SBF2: variants seen among roughly 807,000 people sequenced by gnomAD.
SBF2 encodes the protein myotubularin-related protein 13.
SBF2 carries 112 observed loss-of-function variants against 225.2 expected under a neutral mutation model. The observed-to-expected ratio is 0.50, with a 90% CI of 0.43 to 0.58. The LOEUF (loss-of-function observed/expected upper bound fraction) is 0.58, where lower values mean the gene tolerates loss of function less well. Ranked by LOEUF, SBF2 falls within the 20% of genes least tolerant of loss-of-function variation. The pLI, the probability that SBF2 is intolerant of heterozygous loss-of-function variation, is 0.00. For missense variants in SBF2, 1,996 were observed against 2,206.2 expected (o/e 0.90, Z 1.91); for synonymous variants, 763 against 773.3 (o/e 0.99, Z 0.22).
intron 2 of SBF2, among the ~76,000 whole-genome samples, chr11:10,156,056 G>A (rs145126072): frequency 7.9e-5 from 12 of 152,256 alleles, no homozygotes; most frequent in East Asian, 3.9e-4. Flanking sequence ...CTCTGGACCC[G>A]GGCATCCCTG....
At chr11:10,289,126 G>T (rs1258195440) in intron 1 of SBF2, among the ~76,000 whole-genome samples, 1 of 152,244 alleles carries the variant, frequency 6.6e-6, no homozygotes, top group African/African-American at 2.4e-5. Context: ...ACCTAAGTGT[G>T]TACACACCCG....
intron 2 of SBF2, among the ~76,000 whole-genome samples, chr11:10,059,774 G>A (rs1169339716): frequency 6.6e-6 from 1 of 152,096 alleles, no homozygotes. Context: ...ATGCTCCTGA[G>A]TGATTTTGGG....
At chr11:10,232,673 C>A (rs190356208) in intron 1 of SBF2, among the ~76,000 whole-genome samples, 1 of 148,582 alleles carries the variant, frequency 6.7e-6, no homozygotes, top group Non-Finnish European at 1.5e-5. Context: ...AACCAATCCG[C>A]CTGTCTCAGC....
intron 2 of SBF2, among the ~76,000 whole-genome samples, chr11:10,168,696 G>A (rs72861720): frequency 0.055 from 8,359 of 152,268 alleles, 314 homozygotes; most frequent in Middle Eastern, 0.14. Flanking sequence ...TTATGAGCAG[G>A]TGGCTTTCCT....
chr11:9,908,564 T>C (rs1359223643), intron 16 of SBF2, among the ~76,000 whole-genome samples: 2 of 152,180 alleles, frequency 1.3e-5, no homozygotes, highest in African/African-American at 4.8e-5. Flanking sequence ...GAGGCGGAGC[T>C]TGCAGTGAGC....
intron 17 of SBF2, among the ~76,000 whole-genome samples, chr11:9,859,362 A>G (rs1446002582): frequency 1.3e-5 from 2 of 152,242 alleles, no homozygotes; most frequent in African/African-American, 4.8e-5. Flanking sequence ...TGCATTTTAA[A>G]TTTTAATGAT....
intron 33 of SBF2, among the ~76,000 whole-genome samples, chr11:9,793,587 G>A (rs1276127069): frequency 3.9e-5 from 6 of 152,118 alleles, no homozygotes; most frequent in African/African-American, 1.2e-4. Flanking sequence ...ATGGGGTTTC[G>A]CCGTGTTGGC....
intron 2 of SBF2, among the ~76,000 whole-genome samples, chr11:10,125,034 G>A (rs1693019353): frequency 6.6e-6 from 1 of 151,254 alleles, no homozygotes; most frequent in African/African-American, 2.4e-5. Flanking sequence ...CTTGAACCCG[G>A]GAGGCGGAGG....
chr11:10,279,968 T>C (rs886780370), intron 1 of SBF2, among the ~76,000 whole-genome samples: 11 of 152,230 alleles, frequency 7.2e-5, no homozygotes, highest in Non-Finnish European at 2.9e-5. Context: ...TGTTTTAATG[T>C]GCATCATTAT....
chr11:10,027,390 A>G (rs535860644), intron 6 of SBF2, among the ~76,000 whole-genome samples: 2 of 152,324 alleles, frequency 1.3e-5, no homozygotes, highest in African/African-American at 4.8e-5. Flanking sequence ...TTGAAGTTAA[A>G]GCAGAAGTAT....
chr11:9,887,523 A>G (rs1860435768), intron 17 of SBF2, among the ~76,000 whole-genome samples: 1 of 152,078 alleles, frequency 6.6e-6, no homozygotes, highest in African/African-American at 2.4e-5. Context: ...GAAGAGGAGG[A>G]GGAGGAATGC....
At chr11:10,132,381 C>T (rs1026567210) in intron 2 of SBF2, among the ~76,000 whole-genome samples, 1 of 152,062 alleles carries the variant, frequency 6.6e-6, no homozygotes, top group Non-Finnish European at 1.5e-5. Context: ...CGTGGACCCT[C>T]GCGGTGAGTG....
chr11:10,284,139 C>A (rs542785623), intron 1 of SBF2, among the ~76,000 whole-genome samples: 3 of 152,228 alleles, frequency 2.0e-5, no homozygotes, highest in African/African-American at 7.2e-5. Context: ...AGAATTAATA[C>A]AGAAACCATA....
At chr11:9,970,230 G>T (rs1437672654) in intron 13 of SBF2, among the ~76,000 whole-genome samples, 2 of 146,630 alleles carry the variant, frequency 1.4e-5, no homozygotes, top group African/African-American at 5.0e-5. Context: ...TTTTTTAGAC[G>T]CAGTCTTGCT....
At chr11:9,980,164 A>G (rs982862416) in intron 13 of SBF2, among the ~76,000 whole-genome samples, 1 of 151,650 alleles carries the variant, frequency 6.6e-6, no homozygotes, top group African/African-American at 2.4e-5. Flanking sequence ...TATTTTTAGT[A>G]GAGACGGGAT....
At chr11:10,293,292 C>A (rs762059671) in intron 1 of SBF2, among the ~76,000 whole-genome samples, 2 of 152,176 alleles carry the variant, frequency 1.3e-5, no homozygotes, top group Non-Finnish European at 2.9e-5. Flanking sequence ...TTGTTCCTTA[C>A]GACGAAAATT....
At chr11:9,880,849 C>G (rs1256893362) in intron 17 of SBF2, among the ~76,000 whole-genome samples, 2 of 152,268 alleles carry the variant, frequency 1.3e-5, no homozygotes, top group East Asian at 3.9e-4. Flanking sequence ...TGTCTAGTAG[C>G]CTGCTACAAA....
At chr11:10,147,660 C>A (rs917419230) in intron 2 of SBF2, among the ~76,000 whole-genome samples, 1 of 152,060 alleles carries the variant, frequency 6.6e-6, no homozygotes, top group African/African-American at 2.4e-5. Flanking sequence ...TACAAACAAA[C>A]CCCCGTGACA....
At chr11:10,273,353 T>C (rs771115640) in intron 1 of SBF2, among the ~76,000 whole-genome samples, 28 of 152,158 alleles carry the variant, frequency 1.8e-4, no homozygotes, top group Non-Finnish European at 2.9e-4. Flanking sequence ...TTTTAAAAAA[T>C]TGCTTCAACA....
Sources: allele counts gnomAD v4.1 joint callset (sites outside exome capture counted in the v4.1 genomes callset), GRCh38; gene constraint gnomAD v4.1.1; transcripts MANE v1.5; gene names NCBI Gene and HGNC (gene_info 2026-07-23, HGNC 2026-07-21).